KSR2: variants seen among roughly 807,000 people sequenced by gnomAD.
KSR2 encodes the protein kinase suppressor of ras 2.
KSR2 carries 25 observed loss-of-function variants against 107.8 expected under a neutral mutation model. That is an observed-to-expected ratio of 0.23 (90% CI 0.17 to 0.32). The LOEUF (loss-of-function observed/expected upper bound fraction) is 0.32. Among genes scored for constraint, KSR2 ranks in the 10% least tolerant of loss-of-function variants. The pLI is 1.00. For missense variants in KSR2, 887 were observed against 1,268.9 expected (o/e 0.70, Z 4.57); for synonymous variants, 480 against 507.0 (o/e 0.95, Z 0.71).
chr12:117,531,278 G>A (rs1875615526), intron 11 of KSR2, among the ~76,000 whole-genome samples: 1 of 152,068 alleles, frequency 6.6e-6, no homozygotes, highest in Admixed American at 6.5e-5. Context: ...AGCATTCATT[G>A]GTCATCTCTG....
At chr12:117,959,305 T>A (rs547082974) in intron 1 of KSR2, among the ~76,000 whole-genome samples, 1 of 152,134 alleles carries the variant, frequency 6.6e-6, no homozygotes, top group East Asian at 1.9e-4. Flanking sequence ...CCACCTCCAG[T>A]CTTACATTTC....
At chr12:117,860,507 C>A (rs80292514) in intron 1 of KSR2, 76 bp from the exon 2 acceptor site, 2 of 1,411,786 alleles carry the variant, frequency 1.4e-6, no homozygotes, top group African/African-American at 2.8e-5. Flanking sequence ...GAACCCCCTA[C>A]GAACCCCCAC....
chr12:117,707,757 A>G (rs1886584755), intron 4 of KSR2, among the ~76,000 whole-genome samples: 2 of 152,242 alleles, frequency 1.3e-5, no homozygotes, highest in African/African-American at 2.4e-5. Context: ...CTAGCCTCAC[A>G]GTAACCCATC....
chr12:117,500,110 C>T (rs1310940044), intron 14 of KSR2, among the ~76,000 whole-genome samples: 1 of 152,158 alleles, frequency 6.6e-6, no homozygotes, highest in Non-Finnish European at 1.5e-5. Flanking sequence ...CGGAACCTAC[C>T]TGGCCATGGT....
chr12:117,705,480 T>C (rs532991435), intron 4 of KSR2, among the ~76,000 whole-genome samples: 1 of 152,322 alleles, frequency 6.6e-6, no homozygotes, highest in South Asian at 2.1e-4. Context: ...GGTGCACTGA[T>C]TGGGCCCCCA....
At chr12:117,685,898 C>CCT (rs397977538) in intron 4 of KSR2, among the ~76,000 whole-genome samples, 1 of 152,194 alleles carries the variant, frequency 6.6e-6, no homozygotes, top group Non-Finnish European at 1.5e-5. Context: ...GATTCCCCCC[C>CCT]TGTAAAAAGC....
chr12:117,745,193 C>T (rs1419252413), intron 4 of KSR2, among the ~76,000 whole-genome samples: 1 of 152,188 alleles, frequency 6.6e-6, no homozygotes, highest in Non-Finnish European at 1.5e-5. Context: ...AATGGAATCT[C>T]TTCTGATTCT....
intron 1 of KSR2, among the ~76,000 whole-genome samples, chr12:117,949,445 G>T (rs1261604595): frequency 2.6e-5 from 4 of 152,152 alleles, no homozygotes; most frequent in Non-Finnish European, 5.9e-5. Context: ...TGTTTCATGG[G>T]CAAGAGACTT....
intron 1 of KSR2, among the ~76,000 whole-genome samples, chr12:117,886,996 T>C (rs1894196780): frequency 6.6e-6 from 1 of 152,188 alleles, no homozygotes; most frequent in Non-Finnish European, 1.5e-5. Flanking sequence ...TGATTATGGC[T>C]CGCTGCAGCC....
In KSR2 at chr12:117,484,468, C is replaced by A; in HGVS notation, c.2398G>T (p.Val800Phe). Residue 800 changes from valine to phenylalanine, a missense_variant, in exon 16 of 20, where the codon GTC (valine) becomes TTC (phenylalanine). Coordinates refer to ENST00000339824, the MANE Select transcript of KSR2 (RefSeq NM_173598.6). ...CTGAAGAGTCCAAAGTCCGTGATGA[C>A]CACTTTGCCGTTGTCATAGAAGACG... Reference protein sequence around the residue: ...KNVFYDNGKVVITDFGLFSIS... With the variant: ...KNVFYDNGKVFITDFGLFSIS... 6.2e-7 allele frequency: 1 copy of A among 1,613,998 alleles called. No individual in the cohort carries two copies. Among genetic ancestry groups the A allele is most frequent in the Non-Finnish European group, 8.5e-7 (1 of 1,179,870 alleles).
chr12:117,624,495 T>G (rs1395880822), intron 5 of KSR2, among the ~76,000 whole-genome samples: 1 of 152,220 alleles, frequency 6.6e-6, no homozygotes, highest in Non-Finnish European at 1.5e-5. Flanking sequence ...CCCCATTTCT[T>G]ATTTTTGTCA....
chr12:117,527,282 C>G (rs1875241670), intron 12 of KSR2, among the ~76,000 whole-genome samples, 163 bp from the exon 13 acceptor site: 1 of 112,444 alleles, frequency 8.9e-6, no homozygotes, highest in South Asian at 3.1e-4. Flanking sequence ...ATAACCTCGA[C>G]ACACACACAC....
intron 4 of KSR2, among the ~76,000 whole-genome samples, chr12:117,705,441 C>T (rs1886485333): frequency 1.3e-5 from 2 of 152,242 alleles, no homozygotes; most frequent in Non-Finnish European, 2.9e-5. Context: ...CAGAGACACC[C>T]TTTCCTCACC....
chr12:117,918,831 G>A (rs1193613361), intron 1 of KSR2, among the ~76,000 whole-genome samples: 4 of 151,818 alleles, frequency 2.6e-5, no homozygotes, highest in African/African-American at 7.2e-5. Flanking sequence ...TTCTGCAGGC[G>A]GGGTAGCTCA....
intron 17 of KSR2, among the ~76,000 whole-genome samples, chr12:117,475,317 C>G (rs10160848): frequency 8.5e-5 from 13 of 152,178 alleles, no homozygotes; most frequent in Non-Finnish European, 1.3e-4. Flanking sequence ...CCTCTCTAGT[C>G]TCTTATCTCA....
At chr12:117,695,443 C>T (rs918391526) in intron 4 of KSR2, among the ~76,000 whole-genome samples, 28 of 151,838 alleles carry the variant, frequency 1.8e-4, no homozygotes, top group Non-Finnish European at 4.1e-4. Context: ...CCATGGCTCA[C>T]ACCTGTAATC....
rs1872348952 is a variant in KSR2, at chr12:117,484,505, G to C, written c.2361C>G (p.Leu787=). The C allele has an allele frequency of 6.2e-7, 1 of 1,613,794 alleles. No individual in the cohort carries two copies. The highest frequency in any genetic ancestry group is 1.3e-5 in the African/African-American group (1 of 74,944). The change falls in exon 16 of 20, where the codon CTC becomes CTG. Residue 787 remains leucine (L), a synonymous_variant. Transcript: ENST00000339824. ...LHAKGILHKD[L]KSKNVFYDNG... is the part of the protein sequence containing the mutation. ...TGTCATAGAAGACGTTCTTTGACTT[G>C]AGGTCCTTGTGTAGGATTCCCTTGG...
intron 3 of KSR2, among the ~76,000 whole-genome samples, chr12:117,849,897 A>T (rs1440039779): frequency 6.6e-6 from 1 of 152,240 alleles, no homozygotes; most frequent in African/African-American, 2.4e-5. Context: ...CCAGAATTTT[A>T]AAAACCTGAT....
intron 4 of KSR2, among the ~76,000 whole-genome samples, chr12:117,721,543 G>T (rs1207804849): frequency 6.6e-6 from 1 of 152,174 alleles, no homozygotes; most frequent in Non-Finnish European, 1.5e-5. Context: ...CTACCTGTGA[G>T]TCAGAGCTGA....
Sources: allele counts gnomAD v4.1 joint callset (sites outside exome capture counted in the v4.1 genomes callset), GRCh38; gene constraint gnomAD v4.1.1; transcripts MANE v1.5; gene names NCBI Gene and HGNC (gene_info 2026-07-23, HGNC 2026-07-21).